ATP11B: variants seen among roughly 807,000 people sequenced by gnomAD.
ATP11B encodes ATPase phospholipid transporting 11B (putative), also known as phospholipid-transporting ATPase IF.
In ATP11B, 81 loss-of-function variants were observed where a neutral mutation model predicts 157.8. The ratio of observed to expected loss-of-function variants is 0.51; its 90% confidence interval spans 0.43 to 0.62. The LOEUF is 0.62. ATP11B is among the 20% of genes least tolerant of loss of function. ATP11B has a pLI of 0.00. For missense variants in ATP11B, 1,165 were observed against 1,402.2 expected (o/e 0.83, Z 2.70); for synonymous variants, 451 against 469.4 (o/e 0.96, Z 0.51).
At chr3:182,810,973 A>T (rs1449617264) in intron 1 of ATP11B, among the ~76,000 whole-genome samples, 11 of 152,186 alleles carry the variant, frequency 7.2e-5, no homozygotes, top group Non-Finnish European at 5.9e-5. Context: ...GTAATTTTTT[A>T]AAAAATCCAC....
Position 182,885,938 on chromosome 3 carries a change from T to A in ATP11B, c.2656-13T>A, listed in dbSNP as rs1187165518. 15 of 1,485,256 alleles carry A rather than the reference T, an allele frequency of 1.0e-5. No homozygotes were observed. The highest frequency in any genetic ancestry group is 1.3e-5 in the Non-Finnish European group (15 of 1,116,540). 92.0% of individuals were successfully genotyped at this position (1,485,256 alleles called of 1,614,324 possible). A position where few individuals can be genotyped will look rare whatever the true frequency, so the allele number is the denominator to read the frequency against. On this transcript the variant is annotated splice_polypyrimidine_tract_variant and intron_variant, in intron 22 of 29. Transcript: ENST00000323116. ...AATATTTTAATTATTTTCCATTTAA[T>A]CTTGTTTTTCAGAATGTGTGCTTTA...
chr3:182,836,651 T>A (rs1718575520), intron 6 of ATP11B, 181 bp downstream of exon 6: 1 of 652,422 alleles, frequency 1.5e-6, no homozygotes, highest in Non-Finnish European at 2.4e-6. Flanking sequence ...ATTTCAAGGG[T>A]AGCCTCACAT....
intron 7 of ATP11B, among the ~76,000 whole-genome samples, chr3:182,839,230 G>C (rs114136913): frequency 0.054 from 8,294 of 152,240 alleles, 225 homozygotes; most frequent in Middle Eastern, 0.11. Flanking sequence ...GAGCTAACTG[G>C]TGAGAACACA....
intron 7 of ATP11B, among the ~76,000 whole-genome samples, chr3:182,837,565 T>A (rs1055294924): frequency 6.6e-6 from 1 of 152,050 alleles, no homozygotes; most frequent in African/African-American, 2.4e-5. Flanking sequence ...AGGATACTGC[T>A]TTTAAATTAG....
chr3:182,850,932 G>C (rs1719929755), intron 10 of ATP11B, among the ~76,000 whole-genome samples: 1 of 152,144 alleles, frequency 6.6e-6, no homozygotes, highest in Admixed American at 6.5e-5. Context: ...GCCATAAGAA[G>C]AATGAAATCG....
At chr3:182,815,493 C>T (rs976330869) in intron 1 of ATP11B, among the ~76,000 whole-genome samples, 7 of 151,972 alleles carry the variant, frequency 4.6e-5, no homozygotes, top group African/African-American at 1.7e-4. Context: ...ATTTTTTTTC[C>T]CTAGGCATTT....
At chr3:182,836,575 G>T in intron 6 of ATP11B, 105 bp downstream of exon 6, 1 of 1,323,140 alleles carries the variant, frequency 7.6e-7, no homozygotes, top group Non-Finnish European at 1.0e-6. Context: ...CAGATTAAGG[G>T]GAAGTTTTTA....
At chr3:182,917,150 A>C in intron 29 of ATP11B, 1 of 985,302 alleles carries the variant, frequency 1.0e-6, no homozygotes, top group Non-Finnish European at 1.2e-6. Flanking sequence ...GGCCTTTTTT[A>C]ACGCTCATCT....
At position 182,798,851 on chromosome 3, in the gene ATP11B, A is replaced by T. The variant is rs564254845; in HGVS notation, c.27+5065A>T. Among the ~76,000 whole-genome samples the T allele has an allele frequency of 9.8e-5, 15 of 152,386 alleles. No homozygotes were observed. In the East Asian group the frequency reaches 2.7e-3, roughly 27 times the overall value. Reference sequence around the variant, plus strand: ...TTCTAATTGATTACATGTTGAAATTATATTGGGTTATATAAATATACATGT... The same window carrying T: ...TTCTAATTGATTACATGTTGAAATTTTATTGGGTTATATAAATATACATGT... On this transcript the variant is annotated intron_variant, in intron 1 of 29. Coordinates refer to ENST00000323116, the MANE Select transcript of ATP11B (RefSeq NM_014616.3).
At chr3:182,915,844 T>A in intron 29 of ATP11B, 1 of 972,890 alleles carries the variant, frequency 1.0e-6, no homozygotes, top group Non-Finnish European at 1.2e-6. Context: ...CACTTAAAAT[T>A]GCGCCATATT....
At chr3:182,900,851 G>A (rs907444904) in intron 28 of ATP11B, among the ~76,000 whole-genome samples, 2 of 151,590 alleles carry the variant, frequency 1.3e-5, no homozygotes, top group Non-Finnish European at 2.9e-5. Context: ...TTGGAGACCA[G>A]CCTGGCCAAC....
chr3:182,845,980 C>T (rs521829), intron 9 of ATP11B, among the ~76,000 whole-genome samples: 77,337 of 152,016 alleles, frequency 0.51, 22,348 homozygotes, highest in Non-Finnish European at 0.65. Context: ...CTGATTGGAT[C>T]AAAAGGATGA....
At chr3:182,837,230 T>TA in intron 7 of ATP11B, 56 bp downstream of exon 7, 2 of 1,225,322 alleles carry the variant, frequency 1.6e-6, no homozygotes, top group Non-Finnish European at 2.3e-6. Context: ...ACCTCATTTT[T>TA]AAATAACCAT....
At chr3:182,806,079 C>G (rs754338872) in intron 1 of ATP11B, among the ~76,000 whole-genome samples, 11 of 152,178 alleles carry the variant, frequency 7.2e-5, no homozygotes, top group Middle Eastern at 3.4e-3. Flanking sequence ...AGCAAGAGTT[C>G]ATGAGTGGTA....
At chr3:182,869,390 G>A in intron 17 of ATP11B, 59 bp downstream of exon 17, 1 of 1,151,152 alleles carries the variant, frequency 8.7e-7, no homozygotes, top group South Asian at 1.5e-5. Context: ...GAAATATTTT[G>A]GACTTTATTT....
intron 8 of ATP11B, 29 bp downstream of exon 8, chr3:182,842,151 C>G: frequency 6.6e-7 from 1 of 1,504,738 alleles, no homozygotes; most frequent in South Asian, 1.1e-5. Context: ...TATCTAATTA[C>G]CTTTAAATGG....
intron 25 of ATP11B, among the ~76,000 whole-genome samples, chr3:182,894,844 C>T (rs193054649): frequency 6.6e-6 from 1 of 151,812 alleles, no homozygotes; most frequent in Non-Finnish European, 1.5e-5. Context: ...CCCAGCTGGG[C>T]ACATGGCTCA....
intron 28 of ATP11B, among the ~76,000 whole-genome samples, chr3:182,901,317 C>T (rs911121585): frequency 3.6e-5 from 5 of 138,396 alleles, no homozygotes; most frequent in African/African-American, 8.2e-5. Context: ...CCACCCTAGG[C>T]GACAAAGTGA....
chr3:182,800,748 T>A (rs1392139344), intron 1 of ATP11B, among the ~76,000 whole-genome samples: 2 of 151,910 alleles, frequency 1.3e-5, no homozygotes, highest in African/African-American at 4.8e-5. Flanking sequence ...ATTTTCGTAT[T>A]TTCTTATCCT....
Sources: allele counts gnomAD v4.1 joint callset (sites outside exome capture counted in the v4.1 genomes callset), GRCh38; gene constraint gnomAD v4.1.1; transcripts MANE v1.5; gene names NCBI Gene and HGNC (gene_info 2026-07-23, HGNC 2026-07-21).